The following MAMLD1 variants were observed in gnomAD, a reference collection of about 807,000 sequenced individuals.
MAMLD1 encodes mastermind-like domain-containing protein 1.
A neutral mutation model predicts 45.0 loss-of-function variants in MAMLD1; 14 were observed. The observed-to-expected ratio is 0.31, with a 90% confidence interval of 0.21 to 0.49. MAMLD1 has a LOEUF of 0.49. MAMLD1 is among the 20% of genes least tolerant of loss of function. The probability of loss-of-function intolerance (pLI) is 0.99; values close to 1 mark genes in which losing one functional copy is unlikely to be tolerated. For synonymous variants in MAMLD1, 254 were observed against 247.8 expected (o/e 1.02, Z -0.24); for missense variants, 543 against 603.6 (o/e 0.90, Z 1.05).
At chrX:150,431,792 TACA>T (rs2034959977) in intron 1 of MAMLD1, among the ~76,000 whole-genome samples, 1 of 110,730 alleles carries the variant, frequency 9.0e-6, no homozygotes, top group Non-Finnish European at 1.9e-5. Context: ...AGTGTATATA[TACA>T]ACATTTTCTT....
chrX:150,442,049 A>AT (rs781870032), intron 1 of MAMLD1, among the ~76,000 whole-genome samples: 4,564 of 95,474 alleles, frequency 0.048, 90 homozygotes, highest in African/African-American at 0.08. Context: ...TGTCGCTGGT[A>AT]TTTTTTTTTT....
chrX:150,428,152 T>C (rs2034779327), intron 1 of MAMLD1, among the ~76,000 whole-genome samples: 1 of 111,092 alleles, frequency 9.0e-6, no homozygotes, highest in African/African-American at 3.3e-5. Flanking sequence ...TATGGGTGGC[T>C]AAGGGCTCCC....
At chrX:150,440,995 A>C (rs1557404515) in intron 1 of MAMLD1, among the ~76,000 whole-genome samples, 1 of 105,036 alleles carries the variant, frequency 9.5e-6, no homozygotes, top group East Asian at 2.8e-4. Context: ...ATAATATAAT[A>C]TTTAATATAA....
In MAMLD1 at chrX:150,470,428, C is replaced by G; in HGVS notation, c.855C>G (p.Val285=). The change falls in exon 4 of 8, where the codon GTC becomes GTG. Residue 285 remains valine, a synonymous_variant. Coordinates refer to ENST00000370401, the MANE Select transcript of MAMLD1 (RefSeq NM_005491.5). ...SSSMAQSKSQ[V]QAMLPVALPP... is the part of the protein sequence containing the mutation. Reference sequence around the variant, plus strand: ...CAATGGCACAGTCCAAGAGCCAGGTCCAGGCCATGCTCCCTGTCGCTCTGC... The same window carrying G: ...CAATGGCACAGTCCAAGAGCCAGGTGCAGGCCATGCTCCCTGTCGCTCTGC... 1.7e-6 allele frequency: 2 copies of G among 1,212,111 alleles called. No individual in the cohort carries two copies.
intron 2 of MAMLD1, among the ~76,000 whole-genome samples, chrX:150,455,091 C>T (rs782193585): frequency 1.5e-4 from 17 of 111,681 alleles, no homozygotes; most frequent in African/African-American, 4.2e-4. Context: ...GAAATAAGTA[C>T]ATGTTTTTAA....
At chrX:150,478,933 G>A (rs2036665758) in intron 5 of MAMLD1, among the ~76,000 whole-genome samples, 2 of 112,016 alleles carry the variant, frequency 1.8e-5, no homozygotes, top group African/African-American at 6.5e-5. Flanking sequence ...TTGAAAATTC[G>A]GGGACCGATA....
At chrX:150,444,332 C>G (rs1004956754) in intron 1 of MAMLD1, among the ~76,000 whole-genome samples, 12 of 111,803 alleles carry the variant, frequency 1.1e-4, no homozygotes, top group African/African-American at 3.9e-4. Flanking sequence ...TAGGTTACCT[C>G]TTTCCTGGTC....
At chrX:150,501,625 T>C (rs1331074156) in intron 5 of MAMLD1, among the ~76,000 whole-genome samples, 1 of 112,423 alleles carries the variant, frequency 8.9e-6, no homozygotes, top group African/African-American at 3.2e-5. Context: ...TTTGTTGTTT[T>C]TGTTTGGGTT....
intron 3 of MAMLD1, among the ~76,000 whole-genome samples, chrX:150,465,109 G>A (rs371404024): frequency 1.8e-5 from 2 of 112,251 alleles, no homozygotes; most frequent in East Asian, 2.8e-4. Context: ...AATAGGAACA[G>A]TGCATACCCT....
At chrX:150,454,617 G>A (rs2035780565) in intron 2 of MAMLD1, among the ~76,000 whole-genome samples, 1 of 111,636 alleles carries the variant, frequency 9.0e-6, no homozygotes, top group Admixed American at 9.5e-5. Flanking sequence ...TTCAGAGTGT[G>A]CCTTCTTCCT....
chrX:150,505,327 C>T (rs2037690989), intron 6 of MAMLD1, among the ~76,000 whole-genome samples: 1 of 111,945 alleles, frequency 8.9e-6, no homozygotes, highest in Non-Finnish European at 1.9e-5. Context: ...AGCACCTGCC[C>T]ACCCTCCATC....
chrX:150,484,824 C>T (rs1171174044), intron 5 of MAMLD1, among the ~76,000 whole-genome samples: 3 of 112,068 alleles, frequency 2.7e-5, no homozygotes, highest in African/African-American at 9.7e-5. Context: ...CTTCTCCATG[C>T]CCCACTTTTG....
chrX:150,377,907 A>G (rs2032413560), intron 1 of MAMLD1, among the ~76,000 whole-genome samples: 1 of 109,151 alleles, frequency 9.2e-6, no homozygotes, highest in Non-Finnish European at 1.9e-5. Context: ...ATGCTCTTTT[A>G]TCTCCAAATA....
chrX:150,497,057 A>T (rs782050316), intron 5 of MAMLD1, among the ~76,000 whole-genome samples: 1 of 112,132 alleles, frequency 8.9e-6, no homozygotes, highest in Non-Finnish European at 1.9e-5. Flanking sequence ...AATTTCAGTC[A>T]GCCCTAAACA....
chrX:150,373,140 C>T (rs2032111577), intron 1 of MAMLD1, among the ~76,000 whole-genome samples: 1 of 111,779 alleles, frequency 8.9e-6, no homozygotes, highest in Non-Finnish European at 1.9e-5. Flanking sequence ...TCCAGGCAGG[C>T]TTTTCTCCCT....
At chrX:150,465,241 T>C (rs2036181717) in intron 3 of MAMLD1, among the ~76,000 whole-genome samples, 1 of 112,415 alleles carries the variant, frequency 8.9e-6, no homozygotes, top group South Asian at 3.7e-4. Context: ...CTTATGCTCA[T>C]TTCATGGACT....
chrX:150,495,837 C>T lies in MAMLD1; in HGVS notation c.2041-7437C>T, dbSNP rs999445563. On this transcript the variant is annotated intron_variant, in intron 5 of 7. Coordinates refer to ENST00000370401, the MANE Select transcript of MAMLD1 (RefSeq NM_005491.5). The stretch of plus-strand genomic sequence containing the variant: ...GCTTGGGAAGATTCTGCCGTATAGA[C>T]CACGATCCTTTCCAGTTTTCTCCTC... 3.6e-5 allele frequency among the ~76,000 whole-genome samples: 4 copies of T among 112,534 alleles called. No individual in the cohort carries two copies. The East Asian group carries it at 1.1e-3, about 31-fold the overall frequency.
intron 5 of MAMLD1, among the ~76,000 whole-genome samples, chrX:150,474,232 C>T (rs946699149): frequency 8.9e-6 from 1 of 112,066 alleles, no homozygotes; most frequent in African/African-American, 3.3e-5. Context: ...GAGAAGTGAC[C>T]GAAGTTGCCC....
chrX:150,449,230 G>A (rs1047538073), intron 2 of MAMLD1, among the ~76,000 whole-genome samples: 1 of 109,928 alleles, frequency 9.1e-6, no homozygotes, highest in Non-Finnish European at 1.9e-5. Context: ...AGAAGGTGGG[G>A]TGCTACATCA....
Sources: gnomAD v4.1 joint callset for allele counts (sites outside exome capture counted in the v4.1 genomes callset) on GRCh38, gnomAD v4.1.1 for gene constraint, MANE v1.5 for transcripts, NCBI Gene and HGNC (gene_info 2026-07-23, HGNC 2026-07-21) for gene names.